ZNF91: variants seen among roughly 807,000 people sequenced by gnomAD.
ZNF91 encodes zinc finger protein 91.
In ZNF91, 7 loss-of-function variants were observed where a neutral mutation model predicts 12.6. The observed-to-expected ratio is 0.55, with a 90% CI of 0.31 to 1.04. The LOEUF is 1.04. Ranked by LOEUF, ZNF91 falls within the 50% of genes least tolerant of loss-of-function variation. The probability of loss-of-function intolerance (pLI) is 0.05; values close to 1 mark genes in which losing one functional copy is unlikely to be tolerated. For synonymous variants in ZNF91, 453 were observed against 462.6 expected, an observed-to-expected ratio of 0.98 and a Z score of 0.27; for missense variants, 1,217 against 1,385.4, an observed-to-expected ratio of 0.88 and a Z score of 1.93.
downstream of ZNF91, among the ~76,000 whole-genome samples, chr19:23,354,347 T>C (rs970592834): frequency 5.9e-5 from 9 of 151,942 alleles, no homozygotes; most frequent in East Asian, 1.9e-4. Flanking sequence ...ACCACATAAA[T>C]AGAATTGAAA....
chr19:23,392,135 C>A (rs997502273), intron 1 of ZNF91, among the ~76,000 whole-genome samples: 17 of 152,108 alleles, frequency 1.1e-4, no homozygotes, highest in Non-Finnish European at 2.2e-4. Context: ...GTGGCTCATG[C>A]CTGTAATTCC....
chr19:23,370,047 A>C (rs1423046609), intron 3 of ZNF91, among the ~76,000 whole-genome samples: 2 of 151,720 alleles, frequency 1.3e-5, no homozygotes, highest in African/African-American at 4.8e-5. Context: ...AACAAACAAA[A>C]CTTATATTGA....
intron 3 of ZNF91, chr19:23,305,163 T>C (rs1967381191): frequency 5.3e-5 from 8 of 152,238 alleles, no homozygotes; most frequent in Admixed American, 5.2e-4. Context: ...TCAGATTCCT[T>C]TGCACACTTT....
intron 3 of ZNF91, among the ~76,000 whole-genome samples, chr19:23,368,558 C>CTATATATATA (rs1392705570): frequency 2.5e-5 from 3 of 121,908 alleles, no homozygotes; most frequent in African/African-American, 9.8e-5. Context: ...CTCTCTCTCT[C>CTATATATATA]TCTCTATATA....
At chr19:23,341,885 A>T (rs895911249) in intron 3 of ZNF91, among the ~76,000 whole-genome samples, 1 of 152,174 alleles carries the variant, frequency 6.6e-6, no homozygotes, top group African/African-American at 2.4e-5. Flanking sequence ...CTCCCCCAAA[A>T]CAATGGAAGA....
intron 3 of ZNF91, among the ~76,000 whole-genome samples, chr19:23,344,924 G>A (rs555074339): frequency 6.6e-6 from 1 of 152,294 alleles, no homozygotes; most frequent in African/African-American, 2.4e-5. Context: ...GACAAAAGAA[G>A]CTCCTCAGCC....
At chr19:23,372,463 T>A (rs1224582277) in intron 3 of ZNF91, among the ~76,000 whole-genome samples, 2 of 151,702 alleles carry the variant, frequency 1.3e-5, no homozygotes, top group Non-Finnish European at 2.9e-5. Flanking sequence ...AGATCCAGGA[T>A]GGGAGTTATG....
At chr19:23,328,024 G>GT (rs1474034758) in intron 1 of ZNF91, 1 of 151,878 alleles carries the variant, frequency 6.6e-6, no homozygotes, top group Non-Finnish European at 1.5e-5. Flanking sequence ...TTAGAAGACA[G>GT]TTTTTTACTA....
At chr19:23,376,483 G>A (rs925902499) in intron 1 of ZNF91, among the ~76,000 whole-genome samples, 4 of 151,390 alleles carry the variant, frequency 2.6e-5, no homozygotes, top group South Asian at 2.1e-4. Flanking sequence ...TCTGCCTCCC[G>A]GGTTCAAGCA....
rs545119584 is a variant in ZNF91, at chr19:23,377,115, G to A, written c.31-2351C>T. Among the ~76,000 whole-genome samples, 8 of 151,518 alleles carry A rather than the reference G, an allele frequency of 5.3e-5. No individual in the cohort carries two copies. The East Asian group carries it at 1.4e-3, about 26-fold the overall frequency. On this transcript the variant is annotated intron_variant, in intron 1 of 3. Transcript: ENST00000300619. The stretch of plus-strand genomic sequence containing the variant: ...GTCCTCAGGTGCCCTCCCCTGCTAC[G>A]GACATCAGCAATTTCTGCTACAGTA...
At chr19:23,309,794 C>T (rs1055699574) in intron 1 of ZNF91, among the ~76,000 whole-genome samples, 2 of 152,140 alleles carry the variant, frequency 1.3e-5, no homozygotes, top group Non-Finnish European at 2.9e-5. Flanking sequence ...CACTCTCTCG[C>T]ATATTGTATA....
chr19:23,307,114 A>G (rs1184981135), intron 3 of ZNF91: 1 of 152,192 alleles, frequency 6.6e-6, no homozygotes, highest in Non-Finnish European at 1.5e-5. Flanking sequence ...CGTTCTGCCC[A>G]CAAAGAAAAG....
At chr19:23,356,963 C>T (rs1282922589), downstream of ZNF91, among the ~76,000 whole-genome samples, 1 of 152,038 alleles carries the variant, frequency 6.6e-6, no homozygotes, top group Non-Finnish European at 1.5e-5. Context: ...GGCGAGGCGG[C>T]TCACGCCTGT....
At chr19:23,318,856 T>C (rs1967624631) in intron 1 of ZNF91, among the ~76,000 whole-genome samples, 1 of 152,198 alleles carries the variant, frequency 6.6e-6, no homozygotes, top group Admixed American at 6.5e-5. Context: ...ATTCTCCTTA[T>C]TTTTCTGCTT....
chr19:23,376,142 A>C (rs929100138), intron 1 of ZNF91, among the ~76,000 whole-genome samples: 1 of 152,184 alleles, frequency 6.6e-6, no homozygotes, highest in African/African-American at 2.4e-5. Context: ...AGAGATAATA[A>C]AAAAACAGAA....
chr19:23,335,645 T>C (rs1296690799), downstream of ZNF91, among the ~76,000 whole-genome samples: 2 of 152,214 alleles, frequency 1.3e-5, no homozygotes, highest in Non-Finnish European at 2.9e-5. Context: ...TATAATCTCC[T>C]GGTGTGCCGT....
chr19:23,384,115 A>C (rs1969801503), intron 1 of ZNF91, among the ~76,000 whole-genome samples: 2 of 152,188 alleles, frequency 1.3e-5, no homozygotes, highest in South Asian at 4.1e-4. Flanking sequence ...TCTAAAAAAA[A>C]ATTAAAATTA....
chr19:23,330,588 C>T (rs541176962), intron 1 of ZNF91, among the ~76,000 whole-genome samples: 24 of 152,232 alleles, frequency 1.6e-4, no homozygotes, highest in African/African-American at 5.3e-4. Context: ...TCATCTCTTG[C>T]TTGAGCCCAT....
chr19:23,329,292 A>T (rs1422190975), intron 1 of ZNF91, among the ~76,000 whole-genome samples: 1 of 152,190 alleles, frequency 6.6e-6, no homozygotes, highest in Non-Finnish European at 1.5e-5. Flanking sequence ...CATAGGATTC[A>T]TGAGAAGAGA....
Sources: gnomAD v4.1 joint callset for allele counts (sites outside exome capture counted in the v4.1 genomes callset) on GRCh38, gnomAD v4.1.1 for gene constraint, MANE v1.5 for transcripts, NCBI Gene and HGNC (gene_info 2026-07-23, HGNC 2026-07-21) for gene names.